LEF1: variants seen among roughly 807,000 people sequenced by gnomAD.
LEF1 encodes the protein lymphoid enhancer binding factor 1, also known as lymphoid enhancer-binding factor 1.
In LEF1, 14 loss-of-function variants were observed where a neutral mutation model predicts 51.2. The ratio of observed to expected loss-of-function variants is 0.27; its 90% CI spans 0.18 to 0.43. The LOEUF is 0.43. Among genes scored for constraint, LEF1 ranks in the 20% least tolerant of loss-of-function variants. The pLI is 1.00. For synonymous variants in LEF1, 185 were observed against 183.2 expected (o/e 1.01, Z -0.08); for missense variants, 386 against 512.0 (o/e 0.75, Z 2.37).
At chr4:108,152,633 T>C (rs939681834) in intron 3 of LEF1, among the ~76,000 whole-genome samples, 1 of 152,264 alleles carries the variant, frequency 6.6e-6, no homozygotes, top group Admixed American at 6.5e-5. Context: ...CTCAGTTAAA[T>C]TACTGAGCAT....
intron 3 of LEF1, among the ~76,000 whole-genome samples, chr4:108,151,701 G>A (rs914570807): frequency 3.3e-5 from 5 of 152,152 alleles, no homozygotes; most frequent in African/African-American, 1.2e-4. Flanking sequence ...ACGCACAGAA[G>A]GGGTTTAGAA....
chr4:108,092,043 A>G (rs914997741), intron 3 of LEF1, among the ~76,000 whole-genome samples: 1 of 152,230 alleles, frequency 6.6e-6, no homozygotes, highest in Non-Finnish European at 1.5e-5. Flanking sequence ...AGGAACTTGC[A>G]TTAGCAGGCA....
chr4:108,052,444 G>GATTCACAGATTTTAATTGC (rs1217656394), intron 11 of LEF1, among the ~76,000 whole-genome samples: 6 of 152,180 alleles, frequency 3.9e-5, no homozygotes, highest in Admixed American at 2.6e-4. Flanking sequence ...GAGGTAAACA[G>GATTCACAGATTTTAATTGC]ATTCACAGAT....
chr4:108,158,105 CTCTA>C (rs779884123), intron 3 of LEF1, among the ~76,000 whole-genome samples: 11 of 151,894 alleles, frequency 7.2e-5, no homozygotes, highest in Non-Finnish European at 1.6e-4. Flanking sequence ...CTTTCATCTT[CTCTA>C]TCTGAGATAC....
chr4:108,068,266 TCAAAACAAAACAAAACAAAA>T (rs373744253), intron 9 of LEF1, among the ~76,000 whole-genome samples: 4 of 151,700 alleles, frequency 2.6e-5, no homozygotes, highest in Non-Finnish European at 5.9e-5. Context: ...AATCTCTGTC[TCAAAACAAAACAAAACAAAA>T]CAAAACAAAA....
rs149260394 is a variant in LEF1 at position 108,141,463 on chromosome 4, G to A, written c.414+22105C>T. 5.9e-5 allele frequency among the ~76,000 whole-genome samples: 9 copies of A among 152,200 alleles called. No homozygotes were observed. The East Asian group carries it at 7.7e-4, about 13-fold the overall frequency. On this transcript the variant is annotated intron_variant, in intron 3 of 11. Transcript: ENST00000265165. Reference sequence around the variant, plus strand: ...GGGACTCCAGTGTTCTCTGCTCCCCGTCTTCACACAGTCACTCAGGTAACA... The same window carrying A: ...GGGACTCCAGTGTTCTCTGCTCCCCATCTTCACACAGTCACTCAGGTAACA...
intron 10 of LEF1, 47 bp downstream of exon 10, chr4:108,064,289 G>GT: frequency 7.1e-7 from 1 of 1,400,716 alleles, no homozygotes; most frequent in Non-Finnish European, 1.0e-6. Flanking sequence ...CTTAAAAGGT[G>GT]TTTGTCAGAA....
intron 6 of LEF1, among the ~76,000 whole-genome samples, chr4:108,081,243 C>G (rs1286628019): frequency 6.6e-6 from 1 of 152,164 alleles, no homozygotes; most frequent in Admixed American, 6.5e-5. Flanking sequence ...CTTACCCCAC[C>G]CCCGGCATAT....
chr4:108,085,616 CA>C (rs932917151), intron 4 of LEF1, among the ~76,000 whole-genome samples: 1 of 152,090 alleles, frequency 6.6e-6, no homozygotes. Flanking sequence ...TTCAACAGAA[CA>C]AAAAATACCA....
At chr4:108,067,422 G>C (rs1252997898) in intron 9 of LEF1, among the ~76,000 whole-genome samples, 1 of 151,896 alleles carries the variant, frequency 6.6e-6, no homozygotes, top group African/African-American at 2.4e-5. Context: ...AAGCAATGCT[G>C]AATAAAATTC....
At chr4:108,092,064 A>C (rs1229796941) in intron 3 of LEF1, among the ~76,000 whole-genome samples, 1 of 152,192 alleles carries the variant, frequency 6.6e-6, no homozygotes, top group African/African-American at 2.4e-5. Context: ...GCATCTTCTT[A>C]ATGTCTGACC....
At chr4:108,147,463 C>T (rs181613167) in intron 3 of LEF1, among the ~76,000 whole-genome samples, 2 of 152,150 alleles carry the variant, frequency 1.3e-5, no homozygotes, top group East Asian at 3.9e-4. Flanking sequence ...TCTGTTTTTT[C>T]CTTATACCCA....
intron 3 of LEF1, among the ~76,000 whole-genome samples, chr4:108,157,179 T>TATATACACACAC (rs780217431): frequency 4.5e-4 from 52 of 116,790 alleles, no homozygotes; most frequent in Admixed American, 1.9e-3. Flanking sequence ...TATATATATA[T>TATATACACACAC]ACACACACAC....
At position 108,163,431 on chromosome 4, in the gene LEF1, T is replaced by A. The variant is rs529803051; in HGVS notation, c.414+137A>T. ...ACTGTTTTAAGGTGGCCATTCCTCA[T>A]AACAGCTCTTATTTAGCAACGACTA... On this transcript the variant is annotated intron_variant, in intron 3 of 11. Coordinates refer to ENST00000265165, the MANE Select transcript of LEF1 (RefSeq NM_016269.5). 4.4e-6 allele frequency: 4 copies of A among 910,478 alleles called. No individual in the cohort carries two copies. The East Asian group carries it at 1.0e-4, about 23-fold the overall frequency. The allele number at this position is 910,478 out of a possible 1,614,324, so 56.4% of individuals were successfully genotyped here. A position where few individuals can be genotyped will look rare whatever the true frequency, so the allele number is the denominator to read the frequency against.
At chr4:108,125,011 CA>C (rs2110340106) in intron 3 of LEF1, among the ~76,000 whole-genome samples, 1 of 152,152 alleles carries the variant, frequency 6.6e-6, no homozygotes, top group East Asian at 1.9e-4. Context: ...GAGTTTAGCT[CA>C]TTCTGACTTA....
chr4:108,102,686 T>C (rs1481211627), intron 3 of LEF1, among the ~76,000 whole-genome samples: 1 of 152,162 alleles, frequency 6.6e-6, no homozygotes, highest in East Asian at 1.9e-4. Context: ...GGGTCTTACA[T>C]ACAGCAAATA....
intron 3 of LEF1, among the ~76,000 whole-genome samples, chr4:108,146,938 C>T (rs1300417125): frequency 6.6e-6 from 1 of 152,074 alleles, no homozygotes; most frequent in African/African-American, 2.4e-5. Flanking sequence ...ACCGTGTTTC[C>T]CTTAGTCTAC....
intron 3 of LEF1, among the ~76,000 whole-genome samples, chr4:108,095,212 A>G (rs1172354854): frequency 6.6e-6 from 1 of 152,242 alleles, no homozygotes; most frequent in Non-Finnish European, 1.5e-5. Context: ...CTGCACCATC[A>G]TCAGACAACT....
intron 11 of LEF1, among the ~76,000 whole-genome samples, chr4:108,054,495 AT>A (rs2126255995): frequency 6.6e-6 from 1 of 152,238 alleles, no homozygotes; most frequent in East Asian, 1.9e-4. Context: ...CCACCCCACA[AT>A]GGGGCTGCTA....
Sources: gnomAD v4.1 joint callset for allele counts (sites outside exome capture counted in the v4.1 genomes callset) on GRCh38, gnomAD v4.1.1 for gene constraint, MANE v1.5 for transcripts, NCBI Gene and HGNC (gene_info 2026-07-23, HGNC 2026-07-21) for gene names.